The following PSD3 variants were observed in gnomAD, a reference collection of about 807,000 sequenced individuals.
PSD3 encodes the protein PH and SEC7 domain-containing protein 3.
In PSD3, 49 loss-of-function variants were observed where a neutral mutation model predicts 105.5. The observed-to-expected ratio is 0.46, with a 90% CI of 0.37 to 0.59. PSD3 has a LOEUF of 0.59. Ranked by LOEUF, PSD3 falls within the 20% of genes least tolerant of loss-of-function variation. PSD3 has a pLI of 0.00. For synonymous variants in PSD3, 557 were observed against 457.8 expected, an observed-to-expected ratio of 1.22 and a Z score of -2.77; for missense variants, 1,561 against 1,263.8, an observed-to-expected ratio of 1.24 and a Z score of -3.57.
intron 15 of PSD3, among the ~76,000 whole-genome samples, chr8:18,543,721 A>T (rs922182979): frequency 6.6e-6 from 1 of 152,182 alleles, no homozygotes; most frequent in Non-Finnish European, 1.5e-5. Flanking sequence ...AATAAAAATT[A>T]TCGTGTCTAA....
chr8:18,942,853 G>T (rs1822637264), intron 1 of PSD3, among the ~76,000 whole-genome samples: 1 of 152,144 alleles, frequency 6.6e-6, no homozygotes, highest in Non-Finnish European at 1.5e-5. Flanking sequence ...CTTTAGGAAA[G>T]GCTACAGATT....
intron 1 of PSD3, among the ~76,000 whole-genome samples, chr8:19,028,290 C>G (rs373904403): frequency 6.7e-5 from 4 of 59,876 alleles, no homozygotes; most frequent in African/African-American, 1.9e-4. Flanking sequence ...CCCCCCCCCC[C>G]GGCCCACCCT....
intron 9 of PSD3, among the ~76,000 whole-genome samples, chr8:18,658,027 C>T (rs916526142): frequency 6.6e-6 from 1 of 152,150 alleles, no homozygotes; most frequent in African/African-American, 2.4e-5. Flanking sequence ...TTTAAAAATT[C>T]TTGCTATTCA....
chr8:18,855,486 T>C (rs1292878456), intron 4 of PSD3, among the ~76,000 whole-genome samples: 1 of 151,996 alleles, frequency 6.6e-6, no homozygotes, highest in African/African-American at 2.4e-5. Context: ...ATTAAACTGA[T>C]CAAACTAGGG....
At chr8:18,981,382 C>A (rs1171074785) in intron 1 of PSD3, among the ~76,000 whole-genome samples, 2 of 152,116 alleles carry the variant, frequency 1.3e-5, no homozygotes, top group African/African-American at 2.4e-5. Flanking sequence ...CAGTGCCAGA[C>A]TAAATGAATT....
chr8:19,081,053 C>T (rs1355858108), intron 1 of PSD3, among the ~76,000 whole-genome samples: 1 of 152,174 alleles, frequency 6.6e-6, no homozygotes, highest in Non-Finnish European at 1.5e-5. Context: ...GTGAACAGTT[C>T]CCTGGGTTCC....
At chr8:18,911,769 C>T (rs956939601) in intron 2 of PSD3, among the ~76,000 whole-genome samples, 1 of 152,000 alleles carries the variant, frequency 6.6e-6, no homozygotes, top group African/African-American at 2.4e-5. Flanking sequence ...TACACATACA[C>T]CTACAGATAC....
At chr8:18,873,158 TGTGCA>T (rs1817505212) in intron 2 of PSD3, among the ~76,000 whole-genome samples, 1 of 152,222 alleles carries the variant, frequency 6.6e-6, no homozygotes, top group Admixed American at 6.5e-5. Context: ...CAACAGTATC[TGTGCA>T]GTGCAAGCTC....
chr8:18,922,965 G>T (rs1050048638), intron 2 of PSD3, among the ~76,000 whole-genome samples: 9 of 152,164 alleles, frequency 5.9e-5, no homozygotes, highest in East Asian at 5.8e-4. Context: ...TGTCCTTTTG[G>T]GTTTTTATGG....
At chr8:18,768,765 G>A (rs1329686121) in intron 8 of PSD3, among the ~76,000 whole-genome samples, 1 of 152,070 alleles carries the variant, frequency 6.6e-6, no homozygotes, top group Non-Finnish European at 1.5e-5. Context: ...TCCCATTCAA[G>A]CTGTCTAAAT....
intron 1 of PSD3, among the ~76,000 whole-genome samples, chr8:19,020,751 C>A (rs1332890886): frequency 1.3e-5 from 2 of 152,018 alleles, no homozygotes; most frequent in Non-Finnish European, 2.9e-5. Flanking sequence ...AGATTGAGCT[C>A]ACAGAATTTG....
chr8:18,855,324 G>C (rs937416362), intron 4 of PSD3, among the ~76,000 whole-genome samples: 6 of 152,076 alleles, frequency 3.9e-5, no homozygotes, highest in Non-Finnish European at 7.4e-5. Context: ...ACCCAGACTA[G>C]AGAAGTTCTT....
At chr8:18,569,412 G>C (rs1010423348) in intron 14 of PSD3, among the ~76,000 whole-genome samples, 2 of 150,378 alleles carry the variant, frequency 1.3e-5, no homozygotes, top group Non-Finnish European at 3.0e-5. Flanking sequence ...ACTGGTGTGA[G>C]ATGGTATCTC....
At chr8:18,847,074 G>A (rs756489408) in intron 4 of PSD3, among the ~76,000 whole-genome samples, 7 of 152,102 alleles carry the variant, frequency 4.6e-5, no homozygotes, top group Admixed American at 2.0e-4. Context: ...ATTTGGCCTC[G>A]ACACTGCCTT....
intron 11 of PSD3, among the ~76,000 whole-genome samples, chr8:18,600,972 G>A (rs1488483343): frequency 6.6e-6 from 1 of 152,192 alleles, no homozygotes; most frequent in Non-Finnish European, 1.5e-5. Flanking sequence ...ATTGCAACCT[G>A]TGCATATCTC....
rs1038273989 is a variant in PSD3 at position 18,556,143 on chromosome 8, C to T, written c.2928+66G>A. 72 of 1,530,276 alleles carry T rather than the reference C, an allele frequency of 4.7e-5. 2 individuals are homozygous for T. The African/African-American group carries it at 7.1e-4, about 15-fold the overall frequency. The allele number at this position is 1,530,276 out of a possible 1,614,324, so 94.8% of individuals were successfully genotyped here. A position where few individuals can be genotyped will look rare whatever the true frequency, so the allele number is the denominator to read the frequency against. The stretch of plus-strand genomic sequence containing the variant: ...TCAGTGACACTGCAAAGAAAGATAC[C>T]GCCTCATGGACAGATCATAAGAAAA... On this transcript the variant is annotated intron_variant, in intron 15 of 15. Coordinates refer to ENST00000327040, the MANE Select transcript of PSD3 (RefSeq NM_015310.4).
chr8:18,661,080 G>A (rs1809311288), intron 9 of PSD3, among the ~76,000 whole-genome samples: 1 of 152,100 alleles, frequency 6.6e-6, no homozygotes, highest in Non-Finnish European at 1.5e-5. Context: ...ACCATGCATT[G>A]TGTAACCGTG....
intron 4 of PSD3, among the ~76,000 whole-genome samples, chr8:18,850,910 A>G (rs1341061357): frequency 6.6e-6 from 1 of 152,160 alleles, no homozygotes; most frequent in Non-Finnish European, 1.5e-5. Flanking sequence ...CAGAAACTCT[A>G]TTGCCCCCCC....
chr8:18,587,525 T>C lies in PSD3; in HGVS notation c.2482-12240A>G, dbSNP rs1267251740. On this transcript the variant is annotated intron_variant, in intron 12 of 15. Coordinates refer to ENST00000327040, the MANE Select transcript of PSD3 (RefSeq NM_015310.4). The stretch of plus-strand genomic sequence containing the variant: ...TTTGAATATGCCATATTCTCTCATA[T>C]CTGCTATTTTCACCCTTCTCTTGCT... Among the ~76,000 whole-genome samples the C allele has an allele frequency of 4.6e-5, 7 of 152,280 alleles. No individual in the cohort carries two copies. In the East Asian group the frequency reaches 1.4e-3, roughly 29 times the overall value.
Sources: gnomAD v4.1 joint callset for allele counts (sites outside exome capture counted in the v4.1 genomes callset) on GRCh38, gnomAD v4.1.1 for gene constraint, MANE v1.5 for transcripts, NCBI Gene and HGNC (gene_info 2026-07-23, HGNC 2026-07-21) for gene names.